TENM3: variants seen among roughly 807,000 people sequenced by gnomAD.
The protein encoded by TENM3 is teneurin transmembrane protein 3.
A neutral mutation model predicts 255.1 loss-of-function variants in TENM3; 63 were observed. That is an observed-to-expected ratio of 0.25 (90% confidence interval 0.20 to 0.30). The LOEUF (loss-of-function observed/expected upper bound fraction) is 0.30. Ranked by LOEUF, TENM3 falls within the 10% of genes least tolerant of loss-of-function variation. The pLI, the probability that TENM3 is intolerant of heterozygous loss-of-function variation, is 1.00. For missense variants in TENM3, 2,929 were observed against 3,461.1 expected (o/e 0.85, Z 3.86); for synonymous variants, 1,306 against 1,322.3 (o/e 0.99, Z 0.27).
At chr4:182,221,240 C>T (rs1755836064) in intron 1 of TENM3, among the ~76,000 whole-genome samples, 1 of 152,172 alleles carries the variant, frequency 6.6e-6, no homozygotes, top group African/African-American at 2.4e-5. Context: ...AGGCCCCCTG[C>T]TATAAAAGTT....
At position 182,800,980 on chromosome 4, in the gene TENM3, C is replaced by G. The variant is rs948827326; in HGVS notation, c.*629C>G. The G allele has an allele frequency of 8.5e-5, 13 of 152,634 alleles. No homozygotes were observed. Among genetic ancestry groups the G allele is most frequent in the African/African-American group, 3.1e-4 (13 of 41,448 alleles). The allele number at this position is 152,634 out of a possible 1,614,324, so 9.5% of individuals were successfully genotyped here. On this transcript the variant is annotated 3_prime_UTR_variant, in exon 28 of 28. Transcript: ENST00000511685. ...TTGTCACTGATAAGCAAAGGAAATC[C>G]TGATTTTTTTGTAAATTATGTGAGA... is the stretch of plus-strand genomic sequence containing the variant.
At chr4:182,502,818 T>A (rs2151661644) in intron 3 of TENM3, among the ~76,000 whole-genome samples, 1 of 151,610 alleles carries the variant, frequency 6.6e-6, no homozygotes, top group East Asian at 1.9e-4. Context: ...TATTAAATTG[T>A]GGGATGCTAA....
chr4:182,468,824 T>TTTTGTGTG (rs1180458928), intron 3 of TENM3, among the ~76,000 whole-genome samples: 2 of 143,778 alleles, frequency 1.4e-5, no homozygotes, highest in Admixed American at 6.9e-5. Flanking sequence ...TCCTGTGTGC[T>TTTTGTGTG]TGTGTGTGTG....
intron 5 of TENM3, among the ~76,000 whole-genome samples, chr4:182,643,711 T>A (rs1187377974): frequency 6.6e-6 from 1 of 152,194 alleles, no homozygotes; most frequent in Admixed American, 6.5e-5. Flanking sequence ...ACCTATGTAA[T>A]GTCAGACTCT....
chr4:182,037,134 A>G, the TENM3 span, among the ~76,000 whole-genome samples: 1 of 145,232 alleles, frequency 6.9e-6, no homozygotes, highest in African/African-American at 2.5e-5. Flanking sequence ...CTCCCCCTCC[A>G]ATCCAAACTC....
intron 3 of TENM3, among the ~76,000 whole-genome samples, chr4:182,468,980 A>G (rs1350702043): frequency 6.6e-6 from 1 of 152,126 alleles, no homozygotes; most frequent in East Asian, 1.9e-4. Flanking sequence ...GAGTTAAAGA[A>G]AAAATTAATC....
At chr4:182,390,167 G>C (rs1241723062) in intron 3 of TENM3, among the ~76,000 whole-genome samples, 1 of 152,166 alleles carries the variant, frequency 6.6e-6, no homozygotes, top group African/African-American at 2.4e-5. Context: ...ACAGCCAGCT[G>C]TTCCTTAGTT....
At chr4:181,870,059 A>T in the TENM3 span, among the ~76,000 whole-genome samples, 1 of 152,286 alleles carries the variant, frequency 6.6e-6, no homozygotes, top group East Asian at 1.9e-4. Context: ...CTTGACCTTC[A>T]TTGAAAGGTA....
the TENM3 span, among the ~76,000 whole-genome samples, chr4:181,521,517 T>C: frequency 1.1e-3 from 173 of 152,330 alleles, 4 homozygotes; most frequent in East Asian, 0.031. Context: ...CGTTTTGCTT[T>C]GTATTGTTTC....
At chr4:181,650,206 C>A in the TENM3 span, among the ~76,000 whole-genome samples, 1 of 152,186 alleles carries the variant, frequency 6.6e-6, no homozygotes, top group Non-Finnish European at 1.5e-5. Flanking sequence ...AACGGATTTA[C>A]TAACAGTTAC....
chr4:182,484,046 G>C (rs1020374101), intron 3 of TENM3, among the ~76,000 whole-genome samples: 8 of 152,108 alleles, frequency 5.3e-5, no homozygotes, highest in Admixed American at 3.9e-4. Flanking sequence ...TTTCATGAGA[G>C]CGGGACTCAT....
intron 4 of TENM3, among the ~76,000 whole-genome samples, chr4:182,625,931 T>C (rs1750777304): frequency 6.6e-6 from 1 of 152,216 alleles, no homozygotes; most frequent in Admixed American, 6.5e-5. Context: ...TGTTCCTTAC[T>C]TTTTGGTACT....
the TENM3 span, among the ~76,000 whole-genome samples, chr4:182,093,799 T>C: frequency 6.6e-6 from 1 of 152,068 alleles, no homozygotes; most frequent in Non-Finnish European, 1.5e-5. Context: ...GGCTGAGTCA[T>C]CCATCCGGCA....
the TENM3 span, among the ~76,000 whole-genome samples, chr4:181,662,135 TAG>T: frequency 1.3e-5 from 2 of 152,200 alleles, no homozygotes; most frequent in Non-Finnish European, 2.9e-5. Context: ...CTGTGTTTGT[TAG>T]CTTTAATTTA....
At chr4:181,572,494 C>G in the TENM3 span, among the ~76,000 whole-genome samples, 1 of 152,110 alleles carries the variant, frequency 6.6e-6, no homozygotes, top group African/African-American at 2.4e-5. Flanking sequence ...AAGCAATATG[C>G]TCCTTAAATA....
intron 3 of TENM3, 52 bp from the exon 4 acceptor site, chr4:182,600,868 CATAT>C (rs141344153): frequency 6.4e-6 from 4 of 628,826 alleles, no homozygotes; most frequent in Admixed American, 3.4e-5. Flanking sequence ...TGTGTATATA[CATAT>C]ATATATATAT....
chr4:181,876,541 C>T, the TENM3 span, among the ~76,000 whole-genome samples: 1 of 152,134 alleles, frequency 6.6e-6, no homozygotes, highest in Non-Finnish European at 1.5e-5. Context: ...TCTACTAAAT[C>T]AGATCAAGCC....
chr4:181,837,061 A>G, the TENM3 span, among the ~76,000 whole-genome samples: 2 of 152,192 alleles, frequency 1.3e-5, no homozygotes, highest in Admixed American at 1.3e-4. Flanking sequence ...CAGAAAATGC[A>G]AATAGTTTTA....
chr4:181,740,713 G>T, the TENM3 span, among the ~76,000 whole-genome samples: 3 of 151,686 alleles, frequency 2.0e-5, no homozygotes, highest in Non-Finnish European at 4.4e-5. Context: ...AGAAAAAGGT[G>T]GTAGAAGGAA....
Sources: gnomAD v4.1 joint callset for allele counts (sites outside exome capture counted in the v4.1 genomes callset) on GRCh38, gnomAD v4.1.1 for gene constraint, MANE v1.5 for transcripts, NCBI Gene and HGNC (gene_info 2026-07-23, HGNC 2026-07-21) for gene names.